LMAN1: variants seen among roughly 807,000 people sequenced by gnomAD.
LMAN1 encodes the protein lectin, mannose binding 1, also known as protein ERGIC-53.
A neutral mutation model predicts 67.8 loss-of-function variants in LMAN1; 32 were observed. That is an observed-to-expected ratio of 0.47 (90% CI 0.36 to 0.63). The LOEUF (loss-of-function observed/expected upper bound fraction) is 0.63, where lower values mean the gene tolerates loss of function less well. LMAN1 is among the 30% of genes least tolerant of loss of function. The pLI is 0.00. For synonymous variants in LMAN1, 235 were observed against 219.3 expected (o/e 1.07, Z -0.63); for missense variants, 632 against 628.2 (o/e 1.01, Z -0.06).
chr18:59,353,805 A>C (rs1236966085), intron 4 of LMAN1, among the ~76,000 whole-genome samples: 2 of 152,234 alleles, frequency 1.3e-5, no homozygotes, highest in African/African-American at 4.8e-5. Context: ...ACCCCTGTGG[A>C]TACCAAAATC....
intron 8 of LMAN1, among the ~76,000 whole-genome samples, chr18:59,340,494 A>C (rs1000070794): frequency 6.6e-6 from 1 of 152,086 alleles, no homozygotes; most frequent in African/African-American, 2.4e-5. Flanking sequence ...AGTGCTAATA[A>C]AAGAAAAAAA....
intron 1 of LMAN1, 130 bp downstream of exon 1, chr18:59,358,901 C>T: frequency 1.1e-6 from 1 of 945,670 alleles, no homozygotes; most frequent in Non-Finnish European, 1.7e-6. Flanking sequence ...GGAGGGTCCC[C>T]TCCACAGCGC....
At chr18:59,354,218 T>C (rs553278258) in intron 4 of LMAN1, among the ~76,000 whole-genome samples, 2 of 152,156 alleles carry the variant, frequency 1.3e-5, no homozygotes, top group Non-Finnish European at 2.9e-5. Context: ...AAGATAAAAA[T>C]GCATGATTAG....
intron 1 of LMAN1, among the ~76,000 whole-genome samples, chr18:59,357,982 AAAG>A (rs1207470058): frequency 1.3e-4 from 19 of 149,442 alleles, no homozygotes; most frequent in Non-Finnish European, 2.7e-4. Flanking sequence ...AAAAAAAAAA[AAAG>A]ATTAATCACA....
chr18:59,345,574 C>T (rs1305890985), intron 8 of LMAN1, among the ~76,000 whole-genome samples: 1 of 152,148 alleles, frequency 6.6e-6, no homozygotes, highest in Non-Finnish European at 1.5e-5. Context: ...ACCTGAACTA[C>T]TAGGTTAGCA....
chr18:59,345,533 T>C lies in LMAN1; in HGVS notation c.955+386A>G, dbSNP rs192987841. On this transcript the variant is annotated intron_variant, in intron 8 of 12. Coordinates refer to ENST00000251047, the MANE Select transcript of LMAN1 (RefSeq NM_005570.4). ...TCACTAAAACCAAAAATATACACTTTTGATGATTTCAGTCAAAAAATATTT... is the reference window on the plus strand; with the variant it reads ...TCACTAAAACCAAAAATATACACTTCTGATGATTTCAGTCAAAAAATATTT... 1.7e-3 allele frequency among the ~76,000 whole-genome samples: 256 copies of C among 152,306 alleles called. 1 individual carries two copies. Among genetic ancestry groups the C allele is most frequent in the African/African-American group, 6.1e-3 (254 of 41,576 alleles).
Position 59,354,572 on chromosome 18 carries a change from AT to A in LMAN1, c.485del (p.Asn162IlefsTer4). 1 of 1,450,002 alleles carries A rather than the reference AT, an allele frequency of 6.9e-7. No homozygotes were observed. Among genetic ancestry groups the A allele is most frequent in the Non-Finnish European group, 9.7e-7 (1 of 1,034,064 alleles). The allele number at this position is 1,450,002 out of a possible 1,614,324, so 89.8% of individuals were successfully genotyped here. A position where few individuals can be genotyped will look rare whatever the true frequency, so the allele number is the denominator to read the frequency against. Reference protein sequence around the residue: ...DSFDNDGKKNNPAIVIIGNNG... With the variant: ...DSFDNDGKKNXPAIVIIGNNG... ...TGTTGCCTATAATTACTATAGCAGG[AT>A]TATTTTTCTAAAAAAAAGGAAAACA... On this transcript the variant is annotated frameshift_variant, in exon 4 of 13. Coordinates refer to ENST00000251047, the MANE Select transcript of LMAN1 (RefSeq NM_005570.4). LOFTEE classifies it high-confidence loss of function.
At chr18:59,357,120 A>G (rs2144234999) in intron 1 of LMAN1, among the ~76,000 whole-genome samples, 1 of 152,354 alleles carries the variant, frequency 6.6e-6, no homozygotes, top group Non-Finnish European at 1.5e-5. Context: ...AACTACAGTG[A>G]CAATGAAAGC....
chr18:59,334,961 T>G (rs1908108545), intron 10 of LMAN1, among the ~76,000 whole-genome samples: 1 of 152,122 alleles, frequency 6.6e-6, no homozygotes, highest in Non-Finnish European at 1.5e-5. Flanking sequence ...AAGTGGGAGT[T>G]TGCAAGGATT....
chr18:59,350,661 A>AT (rs1209488856), intron 5 of LMAN1, among the ~76,000 whole-genome samples: 2 of 152,046 alleles, frequency 1.3e-5, no homozygotes, highest in Admixed American at 6.5e-5. Context: ...AGCCTGGCTA[A>AT]TTTTTTTGTA....
intron 9 of LMAN1, 56 bp downstream of exon 9, chr18:59,338,701 CTTT>C (rs1280698143): frequency 2.1e-5 from 34 of 1,607,874 alleles, no homozygotes; most frequent in Admixed American, 8.3e-5. Context: ...TGCCCTTCTT[CTTT>C]ACTTCCCTTC....
Position 59,354,552 on chromosome 18 carries a change from C to G in LMAN1, c.506G>C (p.Gly169Ala). 1.3e-6 allele frequency: 2 copies of G among 1,506,652 alleles called. No homozygotes were observed. Among genetic ancestry groups the G allele is most frequent in the East Asian group, 4.5e-5 (2 of 44,286 alleles). 93.3% of individuals were successfully genotyped at this position (1,506,652 alleles called of 1,614,324 possible). A position where few individuals can be genotyped will look rare whatever the true frequency, so the allele number is the denominator to read the frequency against. ...KKNNPAIVII[G>A]NNGQIHYDHQ... ...GTCATAATGGATTTGTCCATTGTTG[C>G]CTATAATTACTATAGCAGGATTATT... Residue 169 changes from glycine (G) to alanine (A), a missense_variant, in exon 4 of 13, where the codon GGC becomes GCC. Gly to Ala is a moderately conservative substitution (Grantham distance 60). Coordinates refer to ENST00000251047, the MANE Select transcript of LMAN1 (RefSeq NM_005570.4).
At position 59,359,208 on chromosome 18, in the gene LMAN1, C is replaced by G. The variant is rs755550499; in HGVS notation, c.37G>C (p.Val13Leu). 8 of 1,613,872 alleles carry G rather than the reference C, an allele frequency of 5.0e-6. No homozygotes were observed. The highest frequency in any genetic ancestry group is 2.2e-5 in the South Asian group (2 of 91,056). ...AGCAAGGCGCAGAACAGCGGCCGAA[C>G]TCTGGCCCGGAGACCCCTTTGCCTG... ...GSRQRGLRAR[V>L]RPLFCALLLS... Residue 13 changes from valine to leucine, a missense_variant, in exon 1 of 13, where the codon GTT becomes CTT. Transcript: ENST00000251047.
At position 59,329,179 on chromosome 18, in the gene LMAN1, G is replaced by C. The variant is rs2070732592; in HGVS notation, c.*1914C>G. The C allele has an allele frequency of 6.6e-6, 1 of 152,138 alleles. No homozygotes were observed. The highest frequency in any genetic ancestry group is 1.5e-5 in the Non-Finnish European group (1 of 68,022). The allele number at this position is 152,138 out of a possible 1,614,324, so 9.4% of individuals were successfully genotyped here. A position where few individuals can be genotyped will look rare whatever the true frequency, so the allele number is the denominator to read the frequency against. The stretch of plus-strand genomic sequence containing the variant: ...CTTTGCTGAGTGATTTTCAAGCAAA[G>C]TATATCACTAAGTATAAAAGATAAA... On this transcript the variant is annotated 3_prime_UTR_variant, in exon 13 of 13. Transcript: ENST00000251047.
In LMAN1 at chr18:59,330,771, A is replaced by G. The variant is rs1353884868; in HGVS notation, c.*322T>C. The stretch of plus-strand genomic sequence containing the variant: ...TTTACGTTATACAGGGAAACCTGCA[A>G]TATTGGAGACTTAGGGGGTAACATT... On this transcript the variant is annotated 3_prime_UTR_variant, in exon 13 of 13. Coordinates refer to ENST00000251047, the MANE Select transcript of LMAN1 (RefSeq NM_005570.4). 3.4e-6 allele frequency: 1 copy of G among 294,450 alleles called. No individual in the cohort carries two copies. Among genetic ancestry groups the G allele is most frequent in the Non-Finnish European group, 6.3e-6 (1 of 157,674 alleles). 18.2% of individuals were successfully genotyped at this position (294,450 alleles called of 1,614,324 possible).
intron 1 of LMAN1, among the ~76,000 whole-genome samples, chr18:59,356,728 T>C (rs1908667996): frequency 6.6e-6 from 1 of 152,188 alleles, no homozygotes; most frequent in Non-Finnish European, 1.5e-5. Context: ...TAGATTTGAG[T>C]TCAACTTCAC....
chr18:59,354,575 A>AT lies in LMAN1; in HGVS notation c.482dup (p.Asn161LysfsTer2). 1.4e-6 allele frequency: 2 copies of AT among 1,436,282 alleles called. No individual in the cohort carries two copies. Among genetic ancestry groups the AT allele is most frequent in the Non-Finnish European group, 2.0e-6 (2 of 1,022,000 alleles). 89.0% of individuals were successfully genotyped at this position (1,436,282 alleles called of 1,614,324 possible). On this transcript the variant is annotated frameshift_variant, in exon 4 of 13. Coordinates refer to ENST00000251047, the MANE Select transcript of LMAN1 (RefSeq NM_005570.4). LOFTEE classifies it high-confidence loss of function. ...TGCCTATAATTACTATAGCAGGATT[A>AT]TTTTTCTAAAAAAAAGGAAAACATT...
At chr18:59,336,319 C>T (rs964257410) in intron 10 of LMAN1, among the ~76,000 whole-genome samples, 3 of 152,106 alleles carry the variant, frequency 2.0e-5, no homozygotes, top group Non-Finnish European at 4.4e-5. Flanking sequence ...GAAGATAGAG[C>T]AGTACCATAA....
intron 8 of LMAN1, among the ~76,000 whole-genome samples, chr18:59,339,443 G>T (rs911164419): frequency 6.6e-6 from 1 of 152,174 alleles, no homozygotes; most frequent in African/African-American, 2.4e-5. Flanking sequence ...ATGGGAAACA[G>T]TAAGAGAGAA....
Sources: gnomAD v4.1 joint callset for allele counts (sites outside exome capture counted in the v4.1 genomes callset) on GRCh38, gnomAD v4.1.1 for gene constraint, MANE v1.5 for transcripts, NCBI Gene and HGNC (gene_info 2026-07-23, HGNC 2026-07-21) for gene names.